Variants in PRAG1 observed in about 807,000 individuals in gnomAD.
PRAG1 encodes PEAK1 related, kinase-activating pseudokinase 1.
A neutral mutation model predicts 95.6 loss-of-function variants in PRAG1; 110 were observed. That is an observed-to-expected ratio of 1.15 (90% confidence interval 0.99 to 1.35). The LOEUF is 1.35. PRAG1 is among the 40% of genes most tolerant of loss of function. The pLI is 0.00. For missense variants in PRAG1, 2,554 were observed against 1,864.7 expected (o/e 1.37, Z -6.81); for synonymous variants, 1,052 against 819.4 (o/e 1.28, Z -4.85).
chr8:8,328,041 C>A lies in PRAG1; in HGVS notation c.2741G>T (p.Gly914Val), dbSNP rs200624656. 1 of 1,588,600 alleles carries A rather than the reference C, an allele frequency of 6.3e-7. No homozygotes were observed. The highest frequency in any genetic ancestry group is 8.6e-7 in the Non-Finnish European group (1 of 1,166,828). ...CTGGGAGGATGAGGCGGAGGGGGCC[C>A]CTTTGCACTGGAGGCCAGGGCTCCC... ...GCGSPGLQCK[G>V]APSASSSQLS... The change falls in exon 5 of 6, where the codon GGG becomes GTG. Residue 914 changes from glycine (G) to valine (V), a missense_variant. Coordinates refer to ENST00000615670, the MANE Select transcript of PRAG1 (RefSeq NM_001080826.3).
intron 3 of PRAG1, among the ~76,000 whole-genome samples, chr8:8,341,579 G>T (rs1304649315): frequency 6.6e-6 from 1 of 152,116 alleles, no homozygotes; most frequent in Non-Finnish European, 1.5e-5. Context: ...TTTATTAAAT[G>T]CCTTTTCTAC....
At chr8:8,354,228 T>C (rs1264491809) in intron 3 of PRAG1, among the ~76,000 whole-genome samples, 2 of 151,738 alleles carry the variant, frequency 1.3e-5, no homozygotes, top group Non-Finnish European at 2.9e-5. Flanking sequence ...CAGGAAGAAA[T>C]AAAAAGCTTG....
At chr8:8,357,495 A>T (rs1049537581) in intron 3 of PRAG1, among the ~76,000 whole-genome samples, 2 of 152,182 alleles carry the variant, frequency 1.3e-5, no homozygotes, top group Non-Finnish European at 2.9e-5. Context: ...TGAGACAACA[A>T]CTCATCCCAT....
chr8:8,317,953 C>A lies in PRAG1; in HGVS notation c.*201G>T, dbSNP rs1035206818. 2.7e-6 allele frequency: 1 copy of A among 370,988 alleles called. No homozygotes were observed. The highest frequency in any genetic ancestry group is 7.3e-4 in the Middle Eastern group (1 of 1,378). The allele number at this position is 370,988 out of a possible 1,614,324, so 23.0% of individuals were successfully genotyped here. On this transcript the variant is annotated 3_prime_UTR_variant, in exon 6 of 6. Transcript: ENST00000615670. ...GGGAGGACTTAGTGCAGAGAGGAGA[C>A]GAGTGTGGACGGGCAACAGCATCCT...
chr8:8,369,698 CT>C (rs10596599), intron 3 of PRAG1, among the ~76,000 whole-genome samples: 72,839 of 140,006 alleles, frequency 0.52, 18,573 homozygotes, highest in East Asian at 0.74. Context: ...AAAAAATAAA[CT>C]TTTTTTTTTT....
chr8:8,327,833 G>A lies in PRAG1; in HGVS notation c.2949C>T (p.His983=), dbSNP rs964045664. The change falls in exon 5 of 6, where the codon CAC becomes CAT. Residue 983 remains histidine, a synonymous_variant. Transcript: ENST00000615670. ...AGAGCGACCAGTTATTCTCATTGAAGTGGAGCTCCTTTTTCTGGCCGCCCA... is the reference window on the plus strand; with the variant it reads ...AGAGCGACCAGTTATTCTCATTGAAATGGAGCTCCTTTTTCTGGCCGCCCA... The part of the protein sequence containing the change: ...LFMGGQKKEL[H]FNENNWSLFK... 1.4e-5 allele frequency: 23 copies of A among 1,614,112 alleles called. No individual in the cohort carries two copies. Among genetic ancestry groups the A allele is most frequent in the African/African-American group, 5.3e-5 (4 of 74,956 alleles).
intron 4 of PRAG1, among the ~76,000 whole-genome samples, chr8:8,337,785 GCAAACCTCCAGCATTGAACTCA>G (rs1475143147): frequency 6.6e-6 from 1 of 152,070 alleles, no homozygotes; most frequent in Non-Finnish European, 1.5e-5. Context: ...CGTTGAACTC[GCAAACCTCCAGCATTGAACTCA>G]CAAACCTCCG....
chr8:8,355,347 T>C (rs762469924), intron 3 of PRAG1, among the ~76,000 whole-genome samples: 9 of 152,256 alleles, frequency 5.9e-5, no homozygotes, highest in Admixed American at 4.6e-4. Flanking sequence ...CCAAAAGTGA[T>C]ATACAGATTT....
chr8:8,359,084 T>C (rs576532531), intron 3 of PRAG1, among the ~76,000 whole-genome samples: 20 of 152,310 alleles, frequency 1.3e-4, no homozygotes, highest in African/African-American at 4.8e-4. Flanking sequence ...TAAAAGCTAG[T>C]CTTTAAGATA....
At chr8:8,358,429 C>A (rs1401385160) in intron 3 of PRAG1, among the ~76,000 whole-genome samples, 1 of 152,182 alleles carries the variant, frequency 6.6e-6, no homozygotes. Context: ...TCAACTTAAC[C>A]TTCAGCCTCT....
At chr8:8,368,041 G>A (rs1413204607) in intron 3 of PRAG1, among the ~76,000 whole-genome samples, 3 of 152,174 alleles carry the variant, frequency 2.0e-5, no homozygotes, top group Non-Finnish European at 2.9e-5. Context: ...GGAACATAAA[G>A]TAATATCACC....
chr8:8,363,793 AACAG>A (rs1330443885), intron 3 of PRAG1, among the ~76,000 whole-genome samples: 3 of 152,198 alleles, frequency 2.0e-5, no homozygotes, highest in Admixed American at 6.5e-5. Flanking sequence ...TTTCCTTAAA[AACAG>A]ACATAGTGTT....
chr8:8,352,059 T>C (rs1799538495), intron 3 of PRAG1, among the ~76,000 whole-genome samples: 1 of 152,176 alleles, frequency 6.6e-6, no homozygotes, highest in Non-Finnish European at 1.5e-5. Flanking sequence ...GACCCTAATT[T>C]TCTTGATTTG....
chr8:8,319,071 C>T lies in PRAG1; in HGVS notation c.3304G>A (p.Asp1102Asn), dbSNP rs757625421. Residue 1102 changes from aspartate (D) to asparagine (N), a missense_variant, in exon 6 of 6, where the codon GAC becomes AAC. Coordinates refer to ENST00000615670, the MANE Select transcript of PRAG1 (RefSeq NM_001080826.3). ...TREVPHQTAS[D>N]FVRDSAASHQ... ...CTGGCCGCCGAGTCCCGCACGAAGT[C>T]GGAGGCGGTCTGATGTGGCACCTCT... 1.2e-6 allele frequency: 2 copies of T among 1,611,478 alleles called. No homozygotes were observed. The highest frequency in any genetic ancestry group is 4.5e-5 in the East Asian group (2 of 44,870).
chr8:8,336,908 T>TC lies in PRAG1; in HGVS notation c.2320+2569dup, dbSNP rs1214780667. ...CCCCACTCCCCTCCCCACACCCCTT[T>TC]CCCCCCTCCCCCCACCTCCGACATA... On this transcript the variant is annotated intron_variant, in intron 4 of 5. Transcript: ENST00000615670. Among the ~76,000 whole-genome samples, 182 of 48,974 alleles carry TC rather than the reference T, an allele frequency of 3.7e-3. 3 individuals are homozygous for TC. Among genetic ancestry groups the TC allele is most frequent in the African/African-American group, 0.013 (103 of 7,836 alleles). 32.1% of individuals were successfully genotyped at this position (48,974 alleles called of 152,430 possible).
intron 3 of PRAG1, among the ~76,000 whole-genome samples, chr8:8,369,057 T>A (rs1800106725): frequency 6.6e-6 from 1 of 152,198 alleles, no homozygotes; most frequent in South Asian, 2.1e-4. Flanking sequence ...TAATAATGAT[T>A]AACCTTAGCT....
At chr8:8,343,901 T>A (rs1374747146) in intron 3 of PRAG1, among the ~76,000 whole-genome samples, 1 of 152,148 alleles carries the variant, frequency 6.6e-6, no homozygotes, top group African/African-American at 2.4e-5. Context: ...AGTTTTCTGG[T>A]AACCACATTT....
rs766219116 is a variant in PRAG1, at chr8:8,377,455, G to C, written c.954C>G (p.Ala318=). The change falls in exon 3 of 6, where the codon GCC becomes GCG. Residue 318 remains alanine (A), a synonymous_variant. Coordinates refer to ENST00000615670, the MANE Select transcript of PRAG1 (RefSeq NM_001080826.3). ...TCTTGGGGCCCAGGCAGGATGGGTG[G>C]GCAGTGGGGCCCTGGCTACAGCACT... ...PKECCSQGPT[A]HPSCLGPKKL... is the part of the protein sequence containing the mutation. 1 of 1,551,790 alleles carries C rather than the reference G, an allele frequency of 6.4e-7. No individual in the cohort carries two copies.
At chr8:8,354,548 T>C (rs939482573) in intron 3 of PRAG1, among the ~76,000 whole-genome samples, 7 of 152,220 alleles carry the variant, frequency 4.6e-5, no homozygotes, top group African/African-American at 1.7e-4. Flanking sequence ...TATTGCAGAC[T>C]GAATTCAACA....
Sources: allele counts gnomAD v4.1 joint callset (sites outside exome capture counted in the v4.1 genomes callset), GRCh38; gene constraint gnomAD v4.1.1; transcripts MANE v1.5; gene names NCBI Gene and HGNC (gene_info 2026-07-23, HGNC 2026-07-21).